The following CACNA1C variants were observed in gnomAD, a reference collection of about 807,000 sequenced individuals.
CACNA1C encodes calcium voltage-gated channel subunit alpha1 C.
Under a neutral mutation model 229.0 loss-of-function variants are expected in CACNA1C, and 30 were observed. That is an observed-to-expected ratio of 0.13 (90% CI 0.10 to 0.18). CACNA1C has a LOEUF of 0.18. CACNA1C is among the 10% of genes least tolerant of loss of function. The pLI is 1.00. For missense variants in CACNA1C, 1,658 were observed against 2,845.0 expected, an observed-to-expected ratio of 0.58 and a Z score of 9.49; for synonymous variants, 1,114 against 1,132.5, an observed-to-expected ratio of 0.98 and a Z score of 0.33.
At chr12:1,988,754 T>G (rs2038531861) in intron 1 of CACNA1C, among the ~76,000 whole-genome samples, 1 of 152,228 alleles carries the variant, frequency 6.6e-6, no homozygotes, top group Non-Finnish European at 1.5e-5. Flanking sequence ...GATGGCCTAT[T>G]TAGAAGATGG....
intron 1 of CACNA1C, among the ~76,000 whole-genome samples, chr12:2,040,188 A>G (rs1413505847): frequency 1.3e-5 from 2 of 151,952 alleles, no homozygotes; most frequent in African/African-American, 2.4e-5. Flanking sequence ...TGTTTTTAAC[A>G]TTCATGATTT....
chr12:2,565,715 T>G (rs1423720343), intron 11 of CACNA1C, among the ~76,000 whole-genome samples: 1 of 152,202 alleles, frequency 6.6e-6, no homozygotes. Context: ...GGTGTGTGTG[T>G]GGGCATGTGC....
At chr12:2,572,033 TTCTC>T (rs1162628141) in intron 13 of CACNA1C, among the ~76,000 whole-genome samples, 4 of 111,338 alleles carry the variant, frequency 3.6e-5, no homozygotes, top group Non-Finnish European at 7.0e-5. Context: ...AAGAAATTTC[TTCTC>T]TTTTTTTTTT....
intron 33 of CACNA1C, 78 bp from the exon 34 acceptor site, chr12:2,655,069 A>T (rs2095341463): frequency 1.2e-6 from 1 of 858,462 alleles, no homozygotes; most frequent in Admixed American, 2.0e-5. Flanking sequence ...ACCCCTGAAG[A>T]GACCATTGAA....
intron 3 of CACNA1C, among the ~76,000 whole-genome samples, chr12:2,363,026 G>A (rs1255659691): frequency 1.3e-5 from 2 of 152,236 alleles, no homozygotes; most frequent in East Asian, 3.8e-4. Flanking sequence ...GGCCTGGGGT[G>A]AGTAGGTATC....
rs562092291 is a variant in CACNA1C, at chr12:2,654,273, T to C, written c.4140+373T>C. ...GTCTGTTTGTGTCCAGCACCCCTGT[T>C]TGTGTCCAGGTCTGATGGGCCTGAG... On this transcript the variant is annotated intron_variant, in intron 33 of 46. Transcript: ENST00000399655. The surrounding 1 kb of genome is among the most constrained non-coding windows in gnomAD (Gnocchi z 4.4). Among the ~76,000 whole-genome samples the C allele has an allele frequency of 6.6e-6, 1 of 152,296 alleles. No individual in the cohort carries two copies. The highest frequency in any genetic ancestry group is 2.1e-4 in the South Asian group (1 of 4,818).
intron 1 of CACNA1C, among the ~76,000 whole-genome samples, chr12:1,977,479 C>G (rs1021524812): frequency 6.6e-6 from 1 of 152,232 alleles, no homozygotes; most frequent in African/African-American, 2.4e-5. Context: ...ACAAAATCAT[C>G]AGATACACAT....
intron 46 of CACNA1C, chr12:2,690,107 G>C (rs777921712): frequency 1.3e-5 from 2 of 152,288 alleles, no homozygotes; most frequent in Non-Finnish European, 2.9e-5. Context: ...AAGCAAGGCA[G>C]GGGCATGCGC....
intron 5 of CACNA1C, among the ~76,000 whole-genome samples, chr12:2,478,347 C>A (rs780343815): frequency 6.6e-6 from 1 of 152,152 alleles, no homozygotes; most frequent in African/African-American, 2.4e-5. Context: ...CTGCAGCCTC[C>A]CAGGATGGCC....
At chr12:2,396,320 G>A (rs1567440922) in intron 3 of CACNA1C, among the ~76,000 whole-genome samples, 1 of 152,162 alleles carries the variant, frequency 6.6e-6, no homozygotes. Context: ...CAGCCTGATT[G>A]TCTCTGCATG....
At chr12:2,099,353 C>T (rs565705239) in intron 1 of CACNA1C, among the ~76,000 whole-genome samples, 2 of 152,264 alleles carry the variant, frequency 1.3e-5, no homozygotes, top group East Asian at 3.9e-4. Context: ...CTGTCCAGAG[C>T]TTAGGCTGGA....
intron 15 of CACNA1C, among the ~76,000 whole-genome samples, chr12:2,583,654 G>A (rs1568575485): frequency 6.6e-6 from 1 of 152,214 alleles, no homozygotes; most frequent in Non-Finnish European, 1.5e-5. Context: ...CCAGCTGGAT[G>A]ACCTCTTGCA....
At chr12:2,228,045 A>T (rs980374151) in intron 3 of CACNA1C, among the ~76,000 whole-genome samples, 2 of 152,118 alleles carry the variant, frequency 1.3e-5, no homozygotes, top group African/African-American at 4.8e-5. Context: ...CATCTGGATA[A>T]AGGGGCAGCA....
chr12:2,029,675 C>T lies in CACNA1C; in HGVS notation c.139+58474C>T, dbSNP rs893640356. Among the ~76,000 whole-genome samples the T allele has an allele frequency of 2.0e-5, 3 of 152,190 alleles. No homozygotes were observed. The highest frequency in any genetic ancestry group is 2.4e-5 in the African/African-American group (1 of 41,450). On this transcript the variant is annotated intron_variant, in intron 1 of 46. Transcript: ENST00000682462. The surrounding 1 kb of genome is among the most constrained non-coding windows in gnomAD (Gnocchi z 4.9). ...TGTTGCCTTTGTCTCTCACCACTCC[C>T]GAAGTGAGGCTAACTGACTGTGACA...
intron 4 of CACNA1C, among the ~76,000 whole-genome samples, chr12:2,455,540 T>C (rs2099412307): frequency 6.6e-6 from 1 of 152,190 alleles, no homozygotes; most frequent in Admixed American, 6.5e-5. Flanking sequence ...CTAGCAAAGG[T>C]AAATTACACA....
chr12:2,251,326 T>C (rs2075527275), intron 3 of CACNA1C, among the ~76,000 whole-genome samples: 1 of 152,178 alleles, frequency 6.6e-6, no homozygotes, highest in South Asian at 2.1e-4. Context: ...GGTCAATGGC[T>C]GGTCAGAGCT....
chr12:2,134,040 G>T (rs2092830643), intron 3 of CACNA1C, among the ~76,000 whole-genome samples: 1 of 12,018 alleles, frequency 8.3e-5, no homozygotes, highest in African/African-American at 3.6e-4. Flanking sequence ...TTGTTGAATT[G>T]ATCCCTTTAC....
chr12:2,222,955 C>T (rs1051179099), intron 3 of CACNA1C, among the ~76,000 whole-genome samples: 16 of 152,184 alleles, frequency 1.1e-4, no homozygotes, highest in Non-Finnish European at 2.1e-4. Flanking sequence ...AAATGCACTA[C>T]CTCTCCATTT....
chr12:1,996,730 G>A (rs533147137), intron 1 of CACNA1C, among the ~76,000 whole-genome samples: 30 of 148,148 alleles, frequency 2.0e-4, no homozygotes, highest in African/African-American at 6.5e-4. Context: ...CTTGGGCCAC[G>A]TGTCCTATGG....
Sources: gnomAD v4.1 joint callset for allele counts (sites outside exome capture counted in the v4.1 genomes callset) on GRCh38, gnomAD v4.1.1 for gene constraint, Gnocchi (gnomAD v3.1) non-coding constraint, MANE v1.5 for transcripts, NCBI Gene and HGNC (gene_info 2026-07-23, HGNC 2026-07-21) for gene names.